SNX29: variants seen among roughly 807,000 people sequenced by gnomAD.
SNX29 encodes the protein sorting nexin 29.
SNX29 carries 78 observed loss-of-function variants against 102.1 expected under a neutral mutation model. The observed-to-expected ratio is 0.76, with a 90% CI of 0.64 to 0.92. The LOEUF (loss-of-function observed/expected upper bound fraction) is 0.92, where lower values mean the gene tolerates loss of function less well. Ranked by LOEUF, SNX29 falls within the 40% of genes least tolerant of loss-of-function variation. SNX29 has a pLI of 0.00. For missense variants in SNX29, 1,280 were observed against 1,061.7 expected (o/e 1.21, Z -2.86); for synonymous variants, 580 against 414.5 (o/e 1.40, Z -4.85).
chr16:12,522,481 C>G (rs1010828684), intron 19 of SNX29, among the ~76,000 whole-genome samples: 2 of 151,964 alleles, frequency 1.3e-5, no homozygotes, highest in African/African-American at 4.8e-5. Context: ...GTGTTCCTAC[C>G]CAAATCTCCT....
At chr16:12,512,586 T>A (rs73508514) in intron 19 of SNX29, among the ~76,000 whole-genome samples, 28,624 of 150,838 alleles carry the variant, frequency 0.19, 2,942 homozygotes, top group African/African-American at 0.27. Flanking sequence ...GCCCCTTCTC[T>A]TCCGTGGGAC....
intron 18 of SNX29, among the ~76,000 whole-genome samples, chr16:12,428,863 G>C (rs1028337561): frequency 1.3e-5 from 2 of 152,070 alleles, no homozygotes; most frequent in Admixed American, 1.3e-4. Flanking sequence ...TTTCCTTCTA[G>C]TTAGTCTCAC....
rs576802639 is a variant in SNX29 at position 12,346,542 on chromosome 16, C to T, written c.1783-9621C>T. On this transcript the variant is annotated intron_variant, in intron 15 of 20. Transcript: ENST00000566228. ...CCAAATGGCCTGCCTCTGGCGTTCGCACCACGCCGCACACCCTCTCCCGTA... is the reference window on the plus strand; with the variant it reads ...CCAAATGGCCTGCCTCTGGCGTTCGTACCACGCCGCACACCCTCTCCCGTA... Among the ~76,000 whole-genome samples, 6 of 152,146 alleles carry T rather than the reference C, an allele frequency of 3.9e-5. No homozygotes were observed. In the South Asian group the frequency reaches 1.2e-3, roughly 32 times the overall value.
intron 4 of SNX29, among the ~76,000 whole-genome samples, chr16:12,039,106 A>G (rs1461811556): frequency 1.3e-5 from 2 of 152,350 alleles, no homozygotes; most frequent in African/African-American, 4.8e-5. Context: ...GGCTTGATCC[A>G]CAAATACTTA....
intron 20 of SNX29, among the ~76,000 whole-genome samples, chr16:12,536,138 A>C (rs149343918): frequency 1.9e-3 from 293 of 152,218 alleles, no homozygotes; most frequent in Non-Finnish European, 2.8e-3. Context: ...TGGTGCTGGC[A>C]CTCGCCTGTG....
intron 19 of SNX29, chr16:12,515,673 TTATGATGTATTCACG>T: frequency 2.1e-6 from 1 of 478,456 alleles, no homozygotes; most frequent in Non-Finnish European, 4.2e-6. Flanking sequence ...CCAGCACTCT[TTATGATGTATTCACG>T]TATCTGCTTG....
intron 1 of SNX29, among the ~76,000 whole-genome samples, chr16:11,996,865 G>A (rs530912447): frequency 5.1e-4 from 77 of 152,324 alleles, no homozygotes; most frequent in Admixed American, 1.6e-3. Context: ...CTCATGGCTG[G>A]TGGGAATGGT....
At position 11,977,547 on chromosome 16, in the gene SNX29, G is replaced by C. The variant is rs561740430; in HGVS notation, c.7+734G>C. 5 of 152,650 alleles carry C rather than the reference G, an allele frequency of 3.3e-5. No individual in the cohort carries two copies. The East Asian group carries it at 7.7e-4, about 24-fold the overall frequency. The allele number at this position is 152,650 out of a possible 1,614,324, so 9.5% of individuals were successfully genotyped here. A position where few individuals can be genotyped will look rare whatever the true frequency, so the allele number is the denominator to read the frequency against. On this transcript the variant is annotated intron_variant, in intron 1 of 20. Transcript: ENST00000566228. ...TATCATTTAAGATCTCTCTTGCCTT[G>C]TCCTGCAGCCCTTCCCTTCTTGTCC...
chr16:12,128,179 C>T (rs2054300339), intron 12 of SNX29, among the ~76,000 whole-genome samples: 1 of 152,216 alleles, frequency 6.6e-6, no homozygotes, highest in Non-Finnish European at 1.5e-5. Context: ...CAATAGAGGG[C>T]TTGCGCCATT....
At chr16:12,180,957 T>C (rs1010831208) in intron 13 of SNX29, among the ~76,000 whole-genome samples, 1 of 152,196 alleles carries the variant, frequency 6.6e-6, no homozygotes, top group African/African-American at 2.4e-5. Context: ...TTTTTCCCTC[T>C]TCTCTAATGT....
At position 12,568,680 on chromosome 16, in the gene SNX29, A is replaced by G; in HGVS notation, c.*51A>G. On this transcript the variant is annotated 3_prime_UTR_variant, in exon 21 of 21. Coordinates refer to ENST00000566228, the MANE Select transcript of SNX29 (RefSeq NM_032167.5). ...CCTGTGCGTGGCACCAGCTGCGTCC[A>G]CCCCAGCCACTGCCGCTGGCCCCTC... The G allele has an allele frequency of 6.4e-7, 1 of 1,551,102 alleles. No homozygotes were observed. Among genetic ancestry groups the G allele is most frequent in the Non-Finnish European group, 8.7e-7 (1 of 1,155,390 alleles).
At chr16:12,501,215 G>A (rs2089105742) in intron 19 of SNX29, among the ~76,000 whole-genome samples, 1 of 151,778 alleles carries the variant, frequency 6.6e-6, no homozygotes, top group South Asian at 2.1e-4. Context: ...GGGCAACATA[G>A]TGAGACCCCA....
chr16:11,980,515 C>G (rs528698721), intron 1 of SNX29, among the ~76,000 whole-genome samples: 1 of 152,256 alleles, frequency 6.6e-6, no homozygotes, highest in Admixed American at 6.5e-5. Context: ...CTTCATTTCT[C>G]TTGGGCATGT....
rs746914978 is a variant in SNX29 at position 12,043,061 on chromosome 16, G to A, written c.412G>A (p.Asp138Asn). The change falls in exon 5 of 21, where the codon GAC becomes AAC. Residue 138 changes from aspartate to asparagine, a missense_variant. By Grantham distance (23) the Asp-to-Asn change is conservative. Coordinates refer to ENST00000566228, the MANE Select transcript of SNX29 (RefSeq NM_032167.5). ...LERYLHMLLA[D>N]RCRLSTFYED... ...GCGCTACCTGCACATGCTCCTGGCC[G>A]ACCGCTGCAGGCTGAGGTACGTGGC... is the stretch of plus-strand genomic sequence containing the variant. 2.0e-5 allele frequency: 33 copies of A among 1,613,146 alleles called. No individual in the cohort carries two copies. The African/African-American group carries it at 3.6e-4, about 18-fold the overall frequency.
chr16:12,557,015 A>ACACCCCCCCCCC lies in SNX29; in HGVS notation c.2319-11490_2319-11489insACCCCCCCCCCC, dbSNP rs66825746. Among the ~76,000 whole-genome samples, 83 of 31,824 alleles carry ACACCCCCCCCCC rather than the reference A, an allele frequency of 2.6e-3. 15 individuals carry two copies. The highest frequency in any genetic ancestry group is 3.3e-3 in the African/African-American group (24 of 7,358). 20.9% of individuals were successfully genotyped at this position (31,824 alleles called of 152,430 possible). On this transcript the variant is annotated intron_variant, in intron 20 of 20. Transcript: ENST00000566228. ...GGTACACACCACATCTGGCTAATTTACCCCCCCCCCGCCCCAAGATGAGGT... is the reference window on the plus strand; with the variant it reads ...GGTACACACCACATCTGGCTAATTTACACCCCCCCCCCCCCCCCCCCCGCCCCAAGATGAGGT...
chr16:12,008,417 G>C (rs1396078745), intron 3 of SNX29, among the ~76,000 whole-genome samples: 1 of 151,978 alleles, frequency 6.6e-6, no homozygotes, highest in Non-Finnish European at 1.5e-5. Context: ...TTACAGGTGT[G>C]TACCACCATG....
Position 12,507,243 on chromosome 16 carries a change from C to G in SNX29, c.2179-17459C>G, listed in dbSNP as rs1169131200. Among the ~76,000 whole-genome samples, 6 of 152,324 alleles carry G rather than the reference C, an allele frequency of 3.9e-5. No individual in the cohort carries two copies. In the South Asian group the frequency reaches 8.3e-4, roughly 21 times the overall value. ...TGGCCTGGGTCCTTTCCCATCACAT[C>G]AAAGCACTTAGCACGGTGCCTGGCA... On this transcript the variant is annotated intron_variant, in intron 19 of 20. Transcript: ENST00000566228.
chr16:12,050,021 T>C (rs987510613), intron 7 of SNX29, among the ~76,000 whole-genome samples: 3 of 152,126 alleles, frequency 2.0e-5, no homozygotes, highest in Non-Finnish European at 4.4e-5. Context: ...AAGTGTAGAG[T>C]CCCATGGTGT....
At chr16:12,385,294 C>T (rs7201716) in intron 16 of SNX29, among the ~76,000 whole-genome samples, 4 of 152,222 alleles carry the variant, frequency 2.6e-5, no homozygotes, top group Non-Finnish European at 5.9e-5. Flanking sequence ...GACAGACCCA[C>T]GTCTGGGGAC....
Sources: gnomAD v4.1 joint callset for allele counts (sites outside exome capture counted in the v4.1 genomes callset) on GRCh38, gnomAD v4.1.1 for gene constraint, MANE v1.5 for transcripts, NCBI Gene and HGNC (gene_info 2026-07-23, HGNC 2026-07-21) for gene names.